The following APC variants were observed in gnomAD, a reference collection of about 807,000 sequenced individuals.
The protein encoded by APC is adenomatous polyposis coli protein.
A neutral mutation model predicts 247.0 loss-of-function variants in APC; 72 were observed. That is an observed-to-expected ratio of 0.29 (90% CI 0.24 to 0.35). The LOEUF (loss-of-function observed/expected upper bound fraction) is 0.35. APC is among the 10% of genes least tolerant of loss of function. The pLI is 1.00. For synonymous variants in APC, 1,254 were observed against 1,162.5 expected, an observed-to-expected ratio of 1.08 and a Z score of -1.60; for missense variants, 3,400 against 3,360.7, an observed-to-expected ratio of 1.01 and a Z score of -0.29.
chr5:112,735,024 A>G (rs1214755259), upstream of APC, among the ~76,000 whole-genome samples: 1 of 152,074 alleles, frequency 6.6e-6, no homozygotes, highest in Non-Finnish European at 1.5e-5. Flanking sequence ...AAGTTGAATT[A>G]TATGTTCATA....
At chr5:112,765,586 T>C (rs1249743203) in intron 2 of APC, among the ~76,000 whole-genome samples, 9 of 152,196 alleles carry the variant, frequency 5.9e-5, no homozygotes, top group African/African-American at 2.2e-4. Flanking sequence ...GGAAACCTGA[T>C]TGGCCAAAGA....
chr5:112,707,682 A>T (rs1331978936), exon 1 of APC: 1 of 1,370,322 alleles, frequency 7.3e-7, no homozygotes, highest in South Asian at 1.2e-5. Context: ...AGGAAGGTGA[A>T]GCACTCAGTT....
rs1284077632 is a variant in APC at position 112,743,627 on chromosome 5, C to T, written c.-19+5702C>T. Among the ~76,000 whole-genome samples the T allele has an allele frequency of 3.3e-5, 5 of 152,194 alleles. No homozygotes were observed. The South Asian group carries it at 8.3e-4, about 25-fold the overall frequency. On this transcript the variant is annotated intron_variant, in intron 1 of 15. Transcript: ENST00000257430. ...TTAATTTATATCAGTGTATCAGCTACTTCTGACATAGTCTGTAATAGAAAC... is the reference window on the plus strand; with the variant it reads ...TTAATTTATATCAGTGTATCAGCTATTTCTGACATAGTCTGTAATAGAAAC...
intron 14 of APC, among the ~76,000 whole-genome samples, chr5:112,833,439 T>C (rs383256): frequency 0.55 from 83,049 of 151,908 alleles, 23,259 homozygotes; most frequent in East Asian, 0.82. Context: ...CCTTGGCCCC[T>C]CAAAGTGCTG....
At chr5:112,781,190 G>T (rs779171932) in intron 6 of APC, among the ~76,000 whole-genome samples, 5 of 152,180 alleles carry the variant, frequency 3.3e-5, no homozygotes, top group Non-Finnish European at 7.3e-5. Flanking sequence ...ACTAGCTTCA[G>T]TTCTCCTTTG....
chr5:112,742,524 G>A (rs559894249), intron 1 of APC, among the ~76,000 whole-genome samples: 16 of 152,264 alleles, frequency 1.1e-4, no homozygotes, highest in African/African-American at 3.6e-4. Flanking sequence ...TCATCTGAAG[G>A]GCTTGACTAG....
chr5:112,827,036 A>G (rs1044829411), intron 11 of APC, 72 bp from the exon 12 acceptor site: 1 of 1,500,038 alleles, frequency 6.7e-7, no homozygotes. Flanking sequence ...CCTAGTATTT[A>G]AGTTACCAAC....
At chr5:112,746,141 GAA>G (rs1213508445) in intron 1 of APC, among the ~76,000 whole-genome samples, 2 of 137,506 alleles carry the variant, frequency 1.5e-5, no homozygotes, top group East Asian at 5.1e-4. Context: ...CTAGAGGAAA[GAA>G]ATAGTTTACT....
chr5:112,791,027 T>A (rs1490105878), intron 6 of APC, among the ~76,000 whole-genome samples: 1 of 152,138 alleles, frequency 6.6e-6, no homozygotes, highest in Non-Finnish European at 1.5e-5. Context: ...TACTTGTTTT[T>A]AAAACATATG....
intron 6 of APC, chr5:112,783,746 A>G (rs1302435701): frequency 3.0e-6 from 1 of 335,124 alleles, no homozygotes; most frequent in East Asian, 8.6e-5. Context: ...GCAGTGAGCT[A>G]CAATCTCACC....
In APC at chr5:112,791,235, C is replaced by T. The variant is rs1580418923; in HGVS notation, c.646-1211C>T. ...TCAATCTGTAGTTACTGCTTTGTGA[C>T]CAGTTGATGGTCTCCATATAGTGGA... On this transcript the variant is annotated intron_variant, in intron 6 of 15. Transcript: ENST00000257430. Among the ~76,000 whole-genome samples, 5 of 152,264 alleles carry T rather than the reference C, an allele frequency of 3.3e-5. No individual in the cohort carries two copies. The South Asian group carries it at 1.0e-3, about 32-fold the overall frequency.
chr5:112,839,807 G>C lies in APC; in HGVS notation c.4213G>C (p.Val1405Leu), dbSNP rs761966904. The C allele has an allele frequency of 6.2e-7, 1 of 1,614,004 alleles. No homozygotes were observed. Among genetic ancestry groups the C allele is most frequent in the Non-Finnish European group, 8.5e-7 (1 of 1,179,988 alleles). ...SFESRSIASS[V>L]QSEPCSGMVS... ...TGAGAGTCGTTCGATTGCCAGCTCC[G>C]TTCAGAGTGAACCATGCAGTGGAAT... The change falls in exon 16 of 16, where the codon GTT becomes CTT. Residue 1405 changes from valine to leucine, a missense_variant. This residue lies in a region of APC where 40 missense variants were observed against 75.6 expected (regional missense o/e 0.53). Transcript: ENST00000257430. The surrounding 1 kb of genome is among the most constrained non-coding windows in gnomAD (Gnocchi z 5.0).
At chr5:112,803,740 A>G (rs1418509283) in intron 8 of APC, among the ~76,000 whole-genome samples, 1 of 152,214 alleles carries the variant, frequency 6.6e-6, no homozygotes, top group East Asian at 1.9e-4. Flanking sequence ...CCTTGGCCTC[A>G]TGGAACCTAT....
upstream of APC, among the ~76,000 whole-genome samples, chr5:112,733,757 A>G (rs1363743647): frequency 6.6e-6 from 1 of 152,214 alleles, no homozygotes; most frequent in African/African-American, 2.4e-5. Context: ...TAATACGCCT[A>G]GGAACTATTT....
chr5:112,823,652 T>G (rs887174785), intron 11 of APC, among the ~76,000 whole-genome samples: 1 of 152,216 alleles, frequency 6.6e-6, no homozygotes, highest in Non-Finnish European at 1.5e-5. Flanking sequence ...TTTGCACTTA[T>G]TAGTATTAGA....
intron 14 of APC, 95 bp from the exon 15 acceptor site, chr5:112,834,856 T>A: frequency 4.3e-6 from 5 of 1,156,802 alleles, no homozygotes. Flanking sequence ...TAGGATAGAT[T>A]AAAAAATAGC....
chr5:112,827,795 A>G, intron 12 of APC, 134 bp from the exon 13 acceptor site: 1 of 717,878 alleles, frequency 1.4e-6, no homozygotes, highest in Non-Finnish European at 2.4e-6. Context: ...CTTATTCTAG[A>G]TTTTTTATGA....
At chr5:112,810,538 A>G (rs1472310072) in intron 8 of APC, among the ~76,000 whole-genome samples, 3 of 152,322 alleles carry the variant, frequency 2.0e-5, no homozygotes, top group Admixed American at 6.5e-5. Context: ...GTGACCATAA[A>G]TGTATATCGA....
chr5:112,707,667 T>C, exon 1 of APC: 1 of 1,369,264 alleles, frequency 7.3e-7, no homozygotes, highest in South Asian at 1.2e-5. Context: ...TGTTGGCTGT[T>C]GGTGAGGAAG....
Sources: allele counts gnomAD v4.1 joint callset (sites outside exome capture counted in the v4.1 genomes callset), GRCh38; gene constraint gnomAD v4.1.1; regional missense constraint gnomAD v4.1.1; non-coding constraint Gnocchi (gnomAD v3.1); transcripts MANE v1.5; gene names NCBI Gene and HGNC (gene_info 2026-07-23, HGNC 2026-07-21).